KCNQ1OT1: variants seen among roughly 807,000 people sequenced by gnomAD.
The protein encoded by KCNQ1OT1 is KCNQ1 opposite strand/antisense transcript 1, also known as KCNQ1 antisense RNA 2 (non-protein coding).
chr11:2,609,167 A>G (rs1848933538), exon 1 of KCNQ1OT1: 1 of 398,164 alleles, frequency 2.5e-6, no homozygotes, highest in South Asian at 1.3e-4. Context: ...TCATAGCTAT[A>G]AAATTCCATC....
At position 2,674,447 on chromosome 11, in the gene KCNQ1OT1, C is replaced by A. The variant is rs1009221076; in HGVS notation, n.25548G>T. 3.0e-5 allele frequency: 12 copies of A among 398,522 alleles called. No homozygotes were observed. Among genetic ancestry groups the A allele is most frequent in the Non-Finnish European group, 4.9e-5 (11 of 226,094 alleles). 24.7% of individuals were successfully genotyped at this position (398,522 alleles called of 1,614,324 possible). A position where few individuals can be genotyped will look rare whatever the true frequency, so the allele number is the denominator to read the frequency against. On this transcript the variant is annotated non_coding_transcript_exon_variant, in exon 1 of 1. Transcript: ENST00000597346. This position sits in a 1 kb window ranked among gnomAD's most constrained non-coding sequence, Gnocchi z 5.9. ...CACGACCACAGAGGCTGGGGGGAGG[C>A]ACGTGGGGAGGAGGGCTGCCTGTCG...
chr11:2,681,856 A>T, exon 1 of KCNQ1OT1: 2 of 398,558 alleles, frequency 5.0e-6, no homozygotes, highest in Non-Finnish European at 8.8e-6. Flanking sequence ...AGGTACTCCA[A>T]AGGAGGCCCA....
In KCNQ1OT1 at chr11:2,662,275, C is replaced by T. The variant is rs1456225643; in HGVS notation, n.37720G>A. The T allele has an allele frequency of 4.7e-6, 3 of 633,460 alleles. No homozygotes were observed. In the Admixed American group the frequency reaches 8.6e-5, roughly 18 times the overall value. The allele number at this position is 633,460 out of a possible 1,614,324, so 39.2% of individuals were successfully genotyped here. ...GAGAGCAAGGGCACTTCCCACTGAG[C>T]CTGGGAACATGATCCTCTTGTTTTG... is the stretch of plus-strand genomic sequence containing the variant. On this transcript the variant is annotated non_coding_transcript_exon_variant, in exon 1 of 1. Transcript: ENST00000597346.
exon 1 of KCNQ1OT1, chr11:2,634,787 G>T (rs952687929): frequency 6.6e-6 from 1 of 152,168 alleles, no homozygotes; most frequent in Non-Finnish European, 1.5e-5. Flanking sequence ...CTAGTTTACA[G>T]TCCCACCAAC....
At position 2,687,992 on chromosome 11, in the gene KCNQ1OT1, C is replaced by T. The variant is rs1181126629; in HGVS notation, n.12003G>A. ...TTCCTGCTTCCCTTTGATGTCTCCT[C>T]GTGCGAGGGAGGGGTCAGCACCCCT... On this transcript the variant is annotated non_coding_transcript_exon_variant, in exon 1 of 1. Coordinates refer to ENST00000597346, the Ensembl canonical transcript of KCNQ1OT1. The surrounding 1 kb of genome is among the most constrained non-coding windows in gnomAD (Gnocchi z 5.0). 2 of 398,750 alleles carry T rather than the reference C, an allele frequency of 5.0e-6. No individual in the cohort carries two copies. Among genetic ancestry groups the T allele is most frequent in the Non-Finnish European group, 8.8e-6 (2 of 226,160 alleles). 24.7% of individuals were successfully genotyped at this position (398,750 alleles called of 1,614,324 possible).
rs1850138721 is a variant in KCNQ1OT1, at chr11:2,669,231, G to A, written n.30764C>T. 1 of 398,562 alleles carries A rather than the reference G, an allele frequency of 2.5e-6. No homozygotes were observed. Among genetic ancestry groups the A allele is most frequent in the South Asian group, 1.3e-4 (1 of 7,862 alleles). 24.7% of individuals were successfully genotyped at this position (398,562 alleles called of 1,614,324 possible). On this transcript the variant is annotated non_coding_transcript_exon_variant, in exon 1 of 1. Coordinates refer to ENST00000597346, the Ensembl canonical transcript of KCNQ1OT1. This position sits in a 1 kb window ranked among gnomAD's most constrained non-coding sequence, Gnocchi z 5.6. Reference sequence around the variant, plus strand: ...ACAGGTTTTGACAGCTGGTCCTGCTGGCTCTGGCTGCTTCTCCTTCCCCAT... The same window carrying A: ...ACAGGTTTTGACAGCTGGTCCTGCTAGCTCTGGCTGCTTCTCCTTCCCCAT...
At chr11:2,694,371 G>C (rs1850638219) in exon 1 of KCNQ1OT1, 1 of 398,646 alleles carries the variant, frequency 2.5e-6, no homozygotes, top group Non-Finnish European at 4.4e-6. Flanking sequence ...GATATTTTTG[G>C]CTATCATGAC....
Position 2,658,971 on chromosome 11 carries a change from G to GTC in KCNQ1OT1, n.41023_41024insGA. The GTC allele has an allele frequency of 7.5e-6, 3 of 398,440 alleles. No individual in the cohort carries two copies. Among genetic ancestry groups the GTC allele is most frequent in the Non-Finnish European group, 1.3e-5 (3 of 226,030 alleles). The allele number at this position is 398,440 out of a possible 1,614,324, so 24.7% of individuals were successfully genotyped here. A position where few individuals can be genotyped will look rare whatever the true frequency, so the allele number is the denominator to read the frequency against. ...GACAGACTTTTGCTTTAACCATAGA[G>GTC]TGTCCAGTCAAAACAGTGTTTTTGA... On this transcript the variant is annotated non_coding_transcript_exon_variant, in exon 1 of 1. Transcript: ENST00000597346. The surrounding 1 kb of genome is among the most constrained non-coding windows in gnomAD (Gnocchi z 4.9).
At position 2,657,397 on chromosome 11, in the gene KCNQ1OT1, C is replaced by T. The variant is rs76463248; in HGVS notation, n.42598G>A. On this transcript the variant is annotated non_coding_transcript_exon_variant, in exon 1 of 1. Coordinates refer to ENST00000597346, the Ensembl canonical transcript of KCNQ1OT1. The surrounding 1 kb of genome is among the most constrained non-coding windows in gnomAD (Gnocchi z 4.8). ...TTCATTGTCTCTTACTAAAGTTTTA[C>T]AATTTTCTCCAGAGTTCTTGCATAT... 0.013 allele frequency: 5,113 copies of T among 398,540 alleles called. 156 individuals carry two copies. Among genetic ancestry groups the T allele is most frequent in the East Asian group, 0.079 (2,220 of 28,062 alleles). 24.7% of individuals were successfully genotyped at this position (398,540 alleles called of 1,614,324 possible).
At chr11:2,686,401 T>C (rs1239459920) in exon 1 of KCNQ1OT1, 2 of 398,552 alleles carry the variant, frequency 5.0e-6, no homozygotes, top group Non-Finnish European at 8.8e-6. Flanking sequence ...AACCCCTGAC[T>C]AGGATATTGT....
exon 1 of KCNQ1OT1, chr11:2,650,721 G>C: frequency 2.5e-6 from 1 of 398,652 alleles, no homozygotes; most frequent in Non-Finnish European, 4.4e-6. Context: ...CAGGGGACTA[G>C]AATGCTATTG....
exon 1 of KCNQ1OT1, chr11:2,662,168 C>T (rs1849971136): frequency 1.3e-5 from 21 of 1,578,908 alleles, no homozygotes; most frequent in Middle Eastern, 1.9e-4. Flanking sequence ...GCCTTGCTCT[C>T]TGGCCAGAGT....
rs549503385 is a variant in KCNQ1OT1, at chr11:2,653,335, G to C, written n.46660C>G. 6 of 398,702 alleles carry C rather than the reference G, an allele frequency of 1.5e-5. No individual in the cohort carries two copies. Among genetic ancestry groups the C allele is most frequent in the Middle Eastern group, 6.3e-4 (1 of 1,592 alleles). 24.7% of individuals were successfully genotyped at this position (398,702 alleles called of 1,614,324 possible). A position where few individuals can be genotyped will look rare whatever the true frequency, so the allele number is the denominator to read the frequency against. On this transcript the variant is annotated non_coding_transcript_exon_variant, in exon 1 of 1. Transcript: ENST00000597346. The surrounding 1 kb of genome is among the most constrained non-coding windows in gnomAD (Gnocchi z 5.3). The stretch of plus-strand genomic sequence containing the variant: ...TAACCTTGACTGCCCCCAGGCCCAT[G>C]TCCGTAGGCTCACACCTCACCCCCA...
chr11:2,662,747 TCTGGCTG>T lies in KCNQ1OT1; in HGVS notation n.37241_37247del, dbSNP rs1217410321. On this transcript the variant is annotated non_coding_transcript_exon_variant, in exon 1 of 1. Coordinates refer to ENST00000597346, the Ensembl canonical transcript of KCNQ1OT1. Reference sequence around the variant, plus strand: ...AAGTCCATTCTGGCCACAGTCCCATTCTGGCTGCTAACCCGTTGGGGATTCCCCTTGA... The same window carrying T: ...AAGTCCATTCTGGCCACAGTCCCATTCTAACCCGTTGGGGATTCCCCTTGA... 15 of 399,728 alleles carry T rather than the reference TCTGGCTG, an allele frequency of 3.8e-5. No homozygotes were observed. Among genetic ancestry groups the T allele is most frequent in the East Asian group, 3.6e-4 (10 of 28,086 alleles). The allele number at this position is 399,728 out of a possible 1,614,324, so 24.8% of individuals were successfully genotyped here.
At chr11:2,630,742 T>C (rs1026093968) in exon 1 of KCNQ1OT1, 2 of 398,370 alleles carry the variant, frequency 5.0e-6, no homozygotes, top group African/African-American at 4.1e-5. Flanking sequence ...AATAACTCCC[T>C]CTGGCATATC....
exon 1 of KCNQ1OT1, chr11:2,681,597 C>A: frequency 5.0e-6 from 2 of 398,462 alleles, no homozygotes; most frequent in Non-Finnish European, 8.8e-6. Flanking sequence ...AGCTTGCTTG[C>A]TCACTCGCTC....
exon 1 of KCNQ1OT1, chr11:2,619,044 A>G: frequency 5.0e-6 from 2 of 398,380 alleles, no homozygotes; most frequent in Non-Finnish European, 8.8e-6. Flanking sequence ...ACTTTACTGA[A>G]CTCATTTATT....
exon 1 of KCNQ1OT1, chr11:2,638,693 C>A (rs563549225): frequency 6.6e-6 from 1 of 152,232 alleles, no homozygotes; most frequent in South Asian, 2.1e-4. Flanking sequence ...GTGGCATTCT[C>A]TGTATTTCCT....
chr11:2,620,026 C>T lies in KCNQ1OT1; in HGVS notation n.79969G>A, dbSNP rs563920307. Reference sequence around the variant, plus strand: ...TCAGCCCACCTCTCCATTCCTCCCCCAAGTAGTCCCCAGTGTCTACTGATC... The same window carrying T: ...TCAGCCCACCTCTCCATTCCTCCCCTAAGTAGTCCCCAGTGTCTACTGATC... On this transcript the variant is annotated non_coding_transcript_exon_variant, in exon 1 of 1. Transcript: ENST00000597346. This position sits in a 1 kb window ranked among gnomAD's most constrained non-coding sequence, Gnocchi z 4.5. The T allele has an allele frequency of 3.0e-5, 12 of 398,198 alleles. No homozygotes were observed. The highest frequency in any genetic ancestry group is 4.9e-5 in the Non-Finnish European group (11 of 226,044). 24.7% of individuals were successfully genotyped at this position (398,198 alleles called of 1,614,324 possible). A position where few individuals can be genotyped will look rare whatever the true frequency, so the allele number is the denominator to read the frequency against.
Sources: gnomAD v4.1 joint callset for allele counts on GRCh38, gnomAD v4.1.1 for gene constraint, Gnocchi (gnomAD v3.1) non-coding constraint, MANE v1.5 for transcripts, NCBI Gene and HGNC (gene_info 2026-07-23, HGNC 2026-07-21) for gene names.